The following SORCS2 variants were observed in gnomAD, a reference collection of about 807,000 sequenced individuals.
SORCS2 encodes sortilin related VPS10 domain containing receptor 2, also known as VPS10 domain-containing receptor SorCS2.
A neutral mutation model predicts 141.6 loss-of-function variants in SORCS2; 100 were observed. That is an observed-to-expected ratio of 0.71 (90% CI 0.60 to 0.83). SORCS2 has a LOEUF of 0.83. Among genes scored for constraint, SORCS2 ranks in the 40% least tolerant of loss-of-function variants. The probability of loss-of-function intolerance (pLI) is 0.00; values close to 1 mark genes in which losing one functional copy is unlikely to be tolerated. For synonymous variants in SORCS2, 789 were observed against 676.9 expected (o/e 1.17, Z -2.57); for missense variants, 1,646 against 1,560.2 (o/e 1.05, Z -0.93).
At position 7,610,366 on chromosome 4, in the gene SORCS2, C is replaced by T. The variant is rs187702779; in HGVS notation, c.649-27962C>T. ...GCTGAGCTCCAGAGGACTGGTGTTT[C>T]CTTATCTCCATGGGACCCTGTCCTC... On this transcript the variant is annotated intron_variant, in intron 3 of 26. Transcript: ENST00000507866. Among the ~76,000 whole-genome samples the T allele has an allele frequency of 2.8e-3, 419 of 152,188 alleles. 3 individuals are homozygous for T. Among genetic ancestry groups the T allele is most frequent in the African/African-American group, 9.2e-3 (381 of 41,544 alleles).
At chr4:7,581,090 G>T (rs1482807601) in intron 3 of SORCS2, among the ~76,000 whole-genome samples, 1 of 151,218 alleles carries the variant, frequency 6.6e-6, no homozygotes, top group Non-Finnish European at 1.5e-5. Flanking sequence ...AGCTAGAAAA[G>T]GTGCACCTGA....
chr4:7,693,266 A>G (rs185973536), intron 11 of SORCS2, among the ~76,000 whole-genome samples: 71 of 152,274 alleles, frequency 4.7e-4, no homozygotes, highest in African/African-American at 1.6e-3. Flanking sequence ...ACACTGAGTT[A>G]TACCCTGTGA....
At chr4:7,644,294 A>G (rs1171577494) in intron 4 of SORCS2, among the ~76,000 whole-genome samples, 1 of 152,152 alleles carries the variant, frequency 6.6e-6, no homozygotes, top group Non-Finnish European at 1.5e-5. Context: ...TGCACCTGGT[A>G]ACTTCCATAA....
intron 1 of SORCS2, among the ~76,000 whole-genome samples, chr4:7,223,915 A>C (rs1250388232): frequency 1.3e-5 from 2 of 152,126 alleles, no homozygotes; most frequent in Non-Finnish European, 2.9e-5. Flanking sequence ...TCTGGGCCTC[A>C]GTTTTCTCGT....
chr4:7,739,996 G>T (rs1219467521), intron 26 of SORCS2, among the ~76,000 whole-genome samples: 1 of 152,156 alleles, frequency 6.6e-6, no homozygotes, highest in East Asian at 1.9e-4. Context: ...CCCACTGCTT[G>T]TGATGGCACC....
chr4:7,601,158 A>G (rs1311312915), intron 3 of SORCS2, among the ~76,000 whole-genome samples: 1 of 152,176 alleles, frequency 6.6e-6, no homozygotes, highest in Non-Finnish European at 1.5e-5. Context: ...CTGCTTAATG[A>G]AGTTTGGAGT....
intron 1 of SORCS2, among the ~76,000 whole-genome samples, chr4:7,307,169 C>A (rs1717889562): frequency 6.6e-6 from 1 of 152,156 alleles, no homozygotes; most frequent in Non-Finnish European, 1.5e-5. Flanking sequence ...CCTCATCGGC[C>A]CTCACATTCT....
chr4:7,423,319 A>G (rs1255799551), intron 2 of SORCS2, among the ~76,000 whole-genome samples: 1 of 152,208 alleles, frequency 6.6e-6, no homozygotes, highest in Non-Finnish European at 1.5e-5. Flanking sequence ...TGTCTGCTCC[A>G]TTAGGTGACA....
Position 7,201,443 on chromosome 4 carries a change from C to G in SORCS2, c.480+8317C>G, listed in dbSNP as rs188770148. ...GAGGTCATAAATTAGCCTCATTCCT[C>G]GGCACGCCCCTCAGATGAGAAGGCA... is the stretch of plus-strand genomic sequence containing the variant. On this transcript the variant is annotated intron_variant, in intron 1 of 26. Coordinates refer to ENST00000507866, the MANE Select transcript of SORCS2 (RefSeq NM_020777.3). This position sits in a 1 kb window ranked among gnomAD's most constrained non-coding sequence, Gnocchi z 4.4. Among the ~76,000 whole-genome samples, 1 of 152,228 alleles carries G rather than the reference C, an allele frequency of 6.6e-6. No homozygotes were observed. The highest frequency in any genetic ancestry group is 1.5e-5 in the Non-Finnish European group (1 of 68,036).
intron 24 of SORCS2, 128 bp from the exon 25 acceptor site, chr4:7,734,144 G>T (rs1347725318): frequency 1.6e-6 from 1 of 645,120 alleles, no homozygotes; most frequent in Non-Finnish European, 2.7e-6. Context: ...CCAGGGACAG[G>T]CAGGGGACAA....
At chr4:7,636,942 C>G (rs1377323679) in intron 3 of SORCS2, among the ~76,000 whole-genome samples, 1 of 152,138 alleles carries the variant, frequency 6.6e-6, no homozygotes, top group Non-Finnish European at 1.5e-5. Context: ...GTGCCGCTCC[C>G]AGCTTCCTGA....
chr4:7,679,637 G>A (rs1272614184), intron 9 of SORCS2, among the ~76,000 whole-genome samples: 1 of 152,180 alleles, frequency 6.6e-6, no homozygotes, highest in African/African-American at 2.4e-5. Flanking sequence ...GGGCAGGAAG[G>A]ATGCTTCCCT....
chr4:7,273,926 C>A (rs917824532), intron 1 of SORCS2, among the ~76,000 whole-genome samples: 6 of 152,188 alleles, frequency 3.9e-5, no homozygotes, highest in Non-Finnish European at 7.3e-5. Flanking sequence ...GGGGACCATG[C>A]TGGGGCTCTG....
At chr4:7,421,163 C>T (rs1726017750) in intron 2 of SORCS2, among the ~76,000 whole-genome samples, 1 of 152,186 alleles carries the variant, frequency 6.6e-6, no homozygotes, top group Non-Finnish European at 1.5e-5. Context: ...AAGCTGTTGG[C>T]TGAAGCCCCA....
Position 7,406,079 on chromosome 4 carries a change from C to T in SORCS2, c.548+9724C>T, listed in dbSNP as rs569928849. On this transcript the variant is annotated intron_variant, in intron 2 of 26. Transcript: ENST00000507866. ...TGCATATGTTAAACCATCATTGTAT[C>T]CTTGGTACAAAATCCACTTGATTGT... Among the ~76,000 whole-genome samples, 5 of 152,066 alleles carry T rather than the reference C, an allele frequency of 3.3e-5. No homozygotes were observed. In the South Asian group the frequency reaches 1.0e-3, roughly 32 times the overall value.
At chr4:7,310,090 C>T (rs1338055968) in intron 1 of SORCS2, among the ~76,000 whole-genome samples, 1 of 152,152 alleles carries the variant, frequency 6.6e-6, no homozygotes, top group East Asian at 1.9e-4. Context: ...AGAAAGAGCT[C>T]CCAGGAACAG....
At chr4:7,514,077 A>T (rs1732828543) in intron 2 of SORCS2, among the ~76,000 whole-genome samples, 2 of 152,110 alleles carry the variant, frequency 1.3e-5, no homozygotes, top group East Asian at 1.9e-4. Context: ...GGAGCCGAGG[A>T]CACAGGTGGG....
At chr4:7,397,027 G>T (rs984568072) in intron 2 of SORCS2, among the ~76,000 whole-genome samples, 9 of 152,190 alleles carry the variant, frequency 5.9e-5, no homozygotes, top group African/African-American at 2.2e-4. Flanking sequence ...TCCTGCAAAA[G>T]ATTCTCTTTC....
At chr4:7,674,002 G>A (rs527598823) in intron 8 of SORCS2, among the ~76,000 whole-genome samples, 67 of 152,310 alleles carry the variant, frequency 4.4e-4, no homozygotes, top group African/African-American at 1.4e-3. Flanking sequence ...GGCCCATGGC[G>A]CTGAGCAGGG....
Sources: allele counts gnomAD v4.1 joint callset (sites outside exome capture counted in the v4.1 genomes callset), GRCh38; gene constraint gnomAD v4.1.1; non-coding constraint Gnocchi (gnomAD v3.1); transcripts MANE v1.5; gene names NCBI Gene and HGNC (gene_info 2026-07-23, HGNC 2026-07-21).